EPAS1: variants seen among roughly 807,000 people sequenced by gnomAD.
EPAS1 encodes endothelial PAS domain-containing protein 1.
EPAS1 carries 23 observed loss-of-function variants against 87.9 expected under a neutral mutation model. That is an observed-to-expected ratio of 0.26 (90% CI 0.19 to 0.37). The LOEUF (loss-of-function observed/expected upper bound fraction) is 0.37. EPAS1 is among the 10% of genes least tolerant of loss of function. The pLI is 1.00. For synonymous variants in EPAS1, 508 were observed against 444.3 expected, an observed-to-expected ratio of 1.14 and a Z score of -1.80; for missense variants, 1,138 against 1,120.7, an observed-to-expected ratio of 1.02 and a Z score of -0.22.
At chr2:46,311,438 G>A (rs1683210822) in intron 1 of EPAS1, among the ~76,000 whole-genome samples, 1 of 152,154 alleles carries the variant, frequency 6.6e-6, no homozygotes, top group Non-Finnish European at 1.5e-5. Context: ...GGAGCACAGC[G>A]CAGCCCAAAC....
intron 1 of EPAS1, among the ~76,000 whole-genome samples, chr2:46,341,989 C>A (rs1572629327): frequency 1.3e-5 from 2 of 152,310 alleles, no homozygotes; most frequent in South Asian, 4.1e-4. Context: ...CCCCACCACA[C>A]ACACACCCAC....
chr2:46,365,112 G>C (rs906352425), intron 6 of EPAS1, among the ~76,000 whole-genome samples: 1 of 152,210 alleles, frequency 6.6e-6, no homozygotes, highest in Non-Finnish European at 1.5e-5. Flanking sequence ...CAAGCCGTCA[G>C]GGAGATAGAG....
Position 46,379,131 on chromosome 2 carries a change from C to T in EPAS1, c.1554+364C>T, listed in dbSNP as rs1308333016. ...GGGACAATTAATCCCTTTATAAACA[C>T]ATTCATCTTGTGATTTTAAAAAAAT... On this transcript the variant is annotated intron_variant, in intron 11 of 15. Coordinates refer to ENST00000263734, the MANE Select transcript of EPAS1 (RefSeq NM_001430.5). Among the ~76,000 whole-genome samples, 15 of 152,218 alleles carry T rather than the reference C, an allele frequency of 9.9e-5. 2 individuals carry two copies. Among genetic ancestry groups the T allele is most frequent in the Non-Finnish European group, 2.2e-4 (15 of 68,052 alleles).
chr2:46,366,790 G>A (rs1380644183), intron 6 of EPAS1, among the ~76,000 whole-genome samples: 2 of 152,222 alleles, frequency 1.3e-5, no homozygotes, highest in Non-Finnish European at 2.9e-5. Flanking sequence ...AGCCCAGCTC[G>A]GAAGGCTTGT....
intron 1 of EPAS1, among the ~76,000 whole-genome samples, chr2:46,323,924 C>T (rs1018700825): frequency 2.0e-5 from 3 of 152,154 alleles, no homozygotes; most frequent in African/African-American, 4.8e-5. Context: ...TGATCTTTTG[C>T]GTGTTTCTGC....
intron 1 of EPAS1, among the ~76,000 whole-genome samples, chr2:46,332,332 GTA>G (rs35565221): frequency 7.0e-6 from 1 of 142,116 alleles, no homozygotes; most frequent in Non-Finnish European, 1.5e-5. Flanking sequence ...GTGTGTGTGT[GTA>G]TCAACTTGTT....
intron 1 of EPAS1, among the ~76,000 whole-genome samples, chr2:46,315,359 C>T (rs189724430): frequency 7.9e-5 from 12 of 152,158 alleles, no homozygotes; most frequent in African/African-American, 1.9e-4. Flanking sequence ...TACTGTGGGA[C>T]GGAGGTGAGT....
intron 1 of EPAS1, among the ~76,000 whole-genome samples, chr2:46,302,556 C>G (rs1309190341): frequency 6.6e-6 from 1 of 152,062 alleles, no homozygotes; most frequent in Non-Finnish European, 1.5e-5. Flanking sequence ...CCTCTCCCCA[C>G]CAGTACCATG....
chr2:46,303,452 G>C (rs972163340), intron 1 of EPAS1, among the ~76,000 whole-genome samples: 9 of 152,192 alleles, frequency 5.9e-5, no homozygotes, highest in African/African-American at 2.2e-4. Flanking sequence ...CCCTGAAATG[G>C]AATGTTTGCT....
rs1314155385 is a variant in EPAS1, at chr2:46,378,669, G to T, written c.1456G>T (p.Glu486Ter). The change falls in exon 11 of 16, where the codon GAA becomes TAA. Residue 486 changes from glutamate to a stop codon, truncating the protein, a stop_gained. Coordinates refer to ENST00000263734, the MANE Select transcript of EPAS1 (RefSeq NM_001430.5). LOFTEE classifies it high-confidence loss of function. The stretch of plus-strand genomic sequence containing the variant: ...TCCTGGCCCCTAGCCCAATAGCCCT[G>T]AAGACTATTACACATCTTTGGATAA... ...SSSCSTPNSP[E>*]DYYTSLDNDL... 1 of 1,613,986 alleles carries T rather than the reference G, an allele frequency of 6.2e-7. No individual in the cohort carries two copies. The highest frequency in any genetic ancestry group is 8.5e-7 in the Non-Finnish European group (1 of 1,179,848).
At position 46,297,733 on chromosome 2, in the gene EPAS1, C is replaced by G. The variant is rs1484892644; in HGVS notation, c.-179C>G. The stretch of plus-strand genomic sequence containing the variant: ...AGTCACCTTTCTCCACCCCCGCCCC[C>G]GCACCTAGCCCGCCGCGCGCCACCT... On this transcript the variant is annotated 5_prime_UTR_variant, in exon 1 of 16. Coordinates refer to ENST00000263734, the MANE Select transcript of EPAS1 (RefSeq NM_001430.5). 3 of 715,788 alleles carry G rather than the reference C, an allele frequency of 4.2e-6. No homozygotes were observed. Among genetic ancestry groups the G allele is most frequent in the Non-Finnish European group, 6.8e-6 (3 of 438,724 alleles). 44.3% of individuals were successfully genotyped at this position (715,788 alleles called of 1,614,324 possible). A position where few individuals can be genotyped will look rare whatever the true frequency, so the allele number is the denominator to read the frequency against.
chr2:46,312,907 C>T (rs915632299), intron 1 of EPAS1, among the ~76,000 whole-genome samples: 2 of 152,048 alleles, frequency 1.3e-5, no homozygotes, highest in Admixed American at 6.5e-5. Context: ...GTGATTCTGT[C>T]GAGAATGGGA....
chr2:46,381,099 C>T (rs1684879460), intron 12 of EPAS1: 3 of 356,934 alleles, frequency 8.4e-6, no homozygotes, highest in Non-Finnish European at 1.6e-5. Context: ...TGCCTTTTGG[C>T]TGCCCCCGGG....
chr2:46,361,107 G>A lies in EPAS1; in HGVS notation c.779+17G>A. On this transcript the variant is annotated intron_variant, in intron 6 of 15. Transcript: ENST00000263734. ...TGATGACAGGTAGGGGGCCATGGGT[G>A]TGTATGCTGTGGGCAGAGATGGGTC... The A allele has an allele frequency of 6.2e-7, 1 of 1,613,382 alleles. No homozygotes were observed. Among genetic ancestry groups the A allele is most frequent in the Non-Finnish European group, 8.5e-7 (1 of 1,179,552 alleles).
In EPAS1 at chr2:46,346,056, C is replaced by T. The variant is rs1684017146; in HGVS notation, c.27-817C>T. On this transcript the variant is annotated intron_variant, in intron 1 of 15. Transcript: ENST00000263734. The surrounding 1 kb of genome is among the most constrained non-coding windows in gnomAD (Gnocchi z 4.0). ...TAGAACTCCAATCTAAACATTCTGG[C>T]TTTTAAATATTGCCCGTGCTAGAAC... Among the ~76,000 whole-genome samples, 1 of 152,180 alleles carries T rather than the reference C, an allele frequency of 6.6e-6. No individual in the cohort carries two copies. Among genetic ancestry groups the T allele is most frequent in the Non-Finnish European group, 1.5e-5 (1 of 68,028 alleles).
Position 46,381,622 on chromosome 2 carries a change from G to A in EPAS1, c.2072G>A (p.Gly691Asp), listed in dbSNP as rs1438881613. Residue 691 changes from glycine (G) to aspartate (D), a missense_variant, in exon 13 of 16, where the codon GGC becomes GAC. Gly to Asp is a moderately conservative substitution (Grantham distance 94, BLOSUM62 -1). Around this residue, in one of 4 missense-constraint regions of EPAS1, gnomAD observed 502 missense variants for 427.1 expected, o/e 1.18. Coordinates refer to ENST00000263734, the MANE Select transcript of EPAS1 (RefSeq NM_001430.5). ...TRSAKGFGAR[G>D]PDVLSPAMVA... Reference sequence around the variant, plus strand: ...TCTGCAAAGGGTTTTGGGGCTCGAGGCCCAGACGTGCTGAGTCCGGCCATG... The same window carrying A: ...TCTGCAAAGGGTTTTGGGGCTCGAGACCCAGACGTGCTGAGTCCGGCCATG... 5 of 1,613,828 alleles carry A rather than the reference G, an allele frequency of 3.1e-6. No homozygotes were observed. In the African/African-American group the frequency reaches 6.7e-5, roughly 22 times the overall value.
At chr2:46,335,690 T>A (rs1408953806) in intron 1 of EPAS1, 3 of 151,938 alleles carry the variant, frequency 2.0e-5, no homozygotes, top group Non-Finnish European at 1.5e-5. Flanking sequence ...CGACTTCTAC[T>A]CCGAAGCGCC....
intron 6 of EPAS1, among the ~76,000 whole-genome samples, chr2:46,363,017 G>GTGGTGGTGGTGGTGGTGATGATGA (rs1410002978): frequency 2.8e-5 from 4 of 144,278 alleles, no homozygotes; most frequent in South Asian, 2.2e-4. Context: ...GGTGGTGGTG[G>GTGGTGGTGGTGGTGGTGATGATGA]TGATAATGAT....
At position 46,356,309 on chromosome 2, in the gene EPAS1, C is replaced by A. The variant is rs757833480; in HGVS notation, c.369+7C>A. The A allele has an allele frequency of 1.2e-6, 2 of 1,614,114 alleles. No homozygotes were observed. Among genetic ancestry groups the A allele is most frequent in the African/African-American group, 1.3e-5 (1 of 75,026 alleles). On this transcript the variant is annotated splice_region_variant and intron_variant, in intron 3 of 15. Coordinates refer to ENST00000263734, the MANE Select transcript of EPAS1 (RefSeq NM_001430.5). ...GTTCATGGGACTTACACAGGTGACA[C>A]CCTCCTCTATCTCTTTCAAAAGAAG...
Sources: allele counts gnomAD v4.1 joint callset (sites outside exome capture counted in the v4.1 genomes callset), GRCh38; gene constraint gnomAD v4.1.1; regional missense constraint gnomAD v4.1.1; non-coding constraint Gnocchi (gnomAD v3.1); transcripts MANE v1.5; gene names NCBI Gene and HGNC (gene_info 2026-07-23, HGNC 2026-07-21).